Variants in NUP133 observed in about 807,000 individuals in gnomAD.
The protein encoded by NUP133 is nuclear pore complex protein Nup133.
In NUP133, 66 loss-of-function variants were observed where a neutral mutation model predicts 146.2. The ratio of observed to expected loss-of-function variants is 0.45; its 90% CI spans 0.37 to 0.55. NUP133 has a LOEUF of 0.55. Among genes scored for constraint, NUP133 ranks in the 20% least tolerant of loss-of-function variants. The pLI is 0.00. For synonymous variants in NUP133, 521 were observed against 498.8 expected (o/e 1.04, Z -0.59); for missense variants, 1,277 against 1,374.8 (o/e 0.93, Z 1.12).
At position 229,441,830 on chromosome 1, in the gene NUP133, T is replaced by TTGTTTATGTAAAA; in HGVS notation, c.*73_*74insTTTTACATAAACA. The TTGTTTATGTAAAA allele has an allele frequency of 1.6e-6, 2 of 1,242,122 alleles. No homozygotes were observed. Among genetic ancestry groups the TTGTTTATGTAAAA allele is most frequent in the Non-Finnish European group, 2.2e-6 (2 of 905,414 alleles). 76.9% of individuals were successfully genotyped at this position (1,242,122 alleles called of 1,614,324 possible). The stretch of plus-strand genomic sequence containing the variant: ...GTTATGAAATTGTACAAACTTACAC[T>TTGTTTATGTAAAA]TGTTTATGGCCTAAAATTTGTATAA... On this transcript the variant is annotated 3_prime_UTR_variant, in exon 26 of 26. Transcript: ENST00000261396.
chr1:229,506,307 A>G lies in NUP133; in HGVS notation c.183-149T>C, dbSNP rs1661934570. The G allele has an allele frequency of 1.0e-5, 5 of 492,758 alleles. No individual in the cohort carries two copies. The South Asian group carries it at 1.2e-4, about 12-fold the overall frequency. The allele number at this position is 492,758 out of a possible 1,614,324, so 30.5% of individuals were successfully genotyped here. On this transcript the variant is annotated intron_variant, in intron 1 of 25. Coordinates refer to ENST00000261396, the MANE Select transcript of NUP133 (RefSeq NM_018230.3). Reference sequence around the variant, plus strand: ...CATGTAATTAAATGTAATATTTTTCATGTAAAAAAAAAACAAAACAGGATT... The same window carrying G: ...CATGTAATTAAATGTAATATTTTTCGTGTAAAAAAAAAACAAAACAGGATT...
intron 5 of NUP133, 102 bp from the exon 6 acceptor site, chr1:229,498,408 T>C: frequency 1.3e-6 from 1 of 748,882 alleles, no homozygotes; most frequent in Non-Finnish European, 2.1e-6. Flanking sequence ...TTGAAATAAA[T>C]CTAAAAGAAT....
intron 21 of NUP133, among the ~76,000 whole-genome samples, chr1:229,457,329 T>C (rs1430101031): frequency 2.0e-5 from 3 of 152,184 alleles, no homozygotes; most frequent in Admixed American, 6.5e-5. Context: ...TTTTCTTCAC[T>C]GTCTTTCTAT....
chr1:229,504,810 A>T (rs1285397900), intron 2 of NUP133, among the ~76,000 whole-genome samples: 1 of 152,216 alleles, frequency 6.6e-6, no homozygotes, highest in Non-Finnish European at 1.5e-5. Flanking sequence ...GAAAATTCAA[A>T]TGAACAATTC....
chr1:229,466,819 C>G, intron 15 of NUP133, 63 bp from the exon 16 acceptor site: 1 of 1,547,636 alleles, frequency 6.5e-7, no homozygotes, highest in Non-Finnish European at 8.9e-7. Context: ...TAACAACTAC[C>G]CAGTGAGTTT....
intron 14 of NUP133, among the ~76,000 whole-genome samples, chr1:229,471,889 G>C (rs1165189838): frequency 1.3e-5 from 2 of 151,996 alleles, no homozygotes; most frequent in African/African-American, 4.8e-5. Flanking sequence ...AACACATTTA[G>C]ATATTCTTAT....
At chr1:229,459,122 A>G (rs1660636016) in intron 20 of NUP133, among the ~76,000 whole-genome samples, 1 of 152,206 alleles carries the variant, frequency 6.6e-6, no homozygotes, top group Non-Finnish European at 1.5e-5. Context: ...CATCACCTCA[A>G]ATACCTATCA....
chr1:229,466,538 A>G, intron 16 of NUP133, 96 bp downstream of exon 16: 1 of 1,338,716 alleles, frequency 7.5e-7, no homozygotes, highest in Middle Eastern at 1.9e-4. Flanking sequence ...AACCTTATAC[A>G]TTATCGGCAA....
intron 4 of NUP133, among the ~76,000 whole-genome samples, chr1:229,500,168 T>C (rs1044980074): frequency 3.3e-5 from 5 of 152,174 alleles, no homozygotes; most frequent in African/African-American, 1.2e-4. Flanking sequence ...ACTCTGTAAC[T>C]TGTCTCTTCA....
chr1:229,449,648 G>T (rs1660397449), intron 23 of NUP133, among the ~76,000 whole-genome samples: 1 of 151,646 alleles, frequency 6.6e-6, no homozygotes, highest in African/African-American at 2.4e-5. Context: ...TAGGATTACA[G>T]GTGTAAGCCA....
At chr1:229,459,713 T>C (rs960553379) in intron 20 of NUP133, among the ~76,000 whole-genome samples, 1 of 152,220 alleles carries the variant, frequency 6.6e-6, no homozygotes, top group Non-Finnish European at 1.5e-5. Flanking sequence ...TTAAGGCTAT[T>C]ACTGCATTGT....
intron 6 of NUP133, among the ~76,000 whole-genome samples, chr1:229,496,502 T>C (rs1661660526): frequency 6.6e-6 from 1 of 151,438 alleles, no homozygotes; most frequent in South Asian, 2.1e-4. Flanking sequence ...AAACCAGAAA[T>C]GAGTGATCCT....
Position 229,502,053 on chromosome 1 carries a change from C to A in NUP133, c.351G>T (p.Leu117=), listed in dbSNP as rs754074270. The change falls in exon 3 of 26, where the codon CTG becomes CTT. Residue 117 remains leucine (L), a synonymous_variant. Transcript: ENST00000261396. ...INIDEGGWAC[L]VCKEKLIIWK... ...AAATAATGAGCTTCTCTTTGCACACCAGACAAGCCCATCCACCTTCATCTA... is the reference window on the plus strand; with the variant it reads ...AAATAATGAGCTTCTCTTTGCACACAAGACAAGCCCATCCACCTTCATCTA... 16 of 1,613,858 alleles carry A rather than the reference C, an allele frequency of 9.9e-6. No individual in the cohort carries two copies. Among genetic ancestry groups the A allele is most frequent in the Non-Finnish European group, 1.2e-5 (14 of 1,179,966 alleles).
At chr1:229,474,362 G>A (rs1334709687) in intron 14 of NUP133, among the ~76,000 whole-genome samples, 1 of 152,074 alleles carries the variant, frequency 6.6e-6, no homozygotes, top group African/African-American at 2.4e-5. Flanking sequence ...CGACCATATC[G>A]GGAGAAAATA....
chr1:229,484,816 G>A (rs192632515), intron 11 of NUP133, among the ~76,000 whole-genome samples: 24 of 151,538 alleles, frequency 1.6e-4, no homozygotes, highest in East Asian at 3.9e-4. Context: ...TTTTGTAATC[G>A]TATTAATTAC....
intron 8 of NUP133, among the ~76,000 whole-genome samples, chr1:229,490,936 G>C (rs1401578201): frequency 6.7e-6 from 1 of 148,268 alleles, no homozygotes; most frequent in Non-Finnish European, 1.5e-5. Flanking sequence ...GGGCGATAGA[G>C]TGACACCCCA....
chr1:229,476,818 G>C (rs969372718), intron 13 of NUP133, among the ~76,000 whole-genome samples: 1 of 151,944 alleles, frequency 6.6e-6, no homozygotes, highest in Non-Finnish European at 1.5e-5. Flanking sequence ...CAGCTACTCA[G>C]GAGGCTGAGG....
rs750681771 is a variant in NUP133, at chr1:229,470,570, C to T, written c.2076+10G>A. On this transcript the variant is annotated intron_variant, in intron 15 of 25. Coordinates refer to ENST00000261396, the MANE Select transcript of NUP133 (RefSeq NM_018230.3). ...TTCTACAAAGCCACATGAAAGAGGACTCATCTTACCTCCCTGAAAAAGACA... is the reference window on the plus strand; with the variant it reads ...TTCTACAAAGCCACATGAAAGAGGATTCATCTTACCTCCCTGAAAAAGACA... 4 of 1,606,242 alleles carry T rather than the reference C, an allele frequency of 2.5e-6. No homozygotes were observed. In the South Asian group the frequency reaches 3.3e-5, roughly 13 times the overall value.
chr1:229,471,504 G>C (rs912057597), intron 14 of NUP133, among the ~76,000 whole-genome samples: 3 of 152,212 alleles, frequency 2.0e-5, no homozygotes, highest in Admixed American at 6.5e-5. Context: ...CCACCTTCAA[G>C]GACTGATTTC....
Sources: allele counts gnomAD v4.1 joint callset (sites outside exome capture counted in the v4.1 genomes callset), GRCh38; gene constraint gnomAD v4.1.1; transcripts MANE v1.5; gene names NCBI Gene and HGNC (gene_info 2026-07-23, HGNC 2026-07-21).